The following IGF2R variants were observed in gnomAD, a reference collection of about 807,000 sequenced individuals.
IGF2R encodes cation-independent mannose-6-phosphate receptor.
Under a neutral mutation model 270.6 loss-of-function variants are expected in IGF2R, and 91 were observed. That is an observed-to-expected ratio of 0.34 (90% confidence interval 0.28 to 0.40). The LOEUF (loss-of-function observed/expected upper bound fraction) is 0.40, where lower values mean the gene tolerates loss of function less well. IGF2R is among the 10% of genes least tolerant of loss of function. The pLI is 1.00. For missense variants in IGF2R, 2,805 were observed against 3,188.3 expected, an observed-to-expected ratio of 0.88 and a Z score of 2.90; for synonymous variants, 1,316 against 1,258.9, an observed-to-expected ratio of 1.05 and a Z score of -0.96.
Position 160,110,180 on chromosome 6 carries a change from G to A in IGF2R, c.*5096G>A, listed in dbSNP as rs1052033861. The A allele has an allele frequency of 6.6e-6, 1 of 152,190 alleles. No homozygotes were observed. Among genetic ancestry groups the A allele is most frequent in the African/African-American group, 2.4e-5 (1 of 41,438 alleles). 9.4% of individuals were successfully genotyped at this position (152,190 alleles called of 1,614,324 possible). ...AGACATTTGCCTGTGTTCCCTGGGG[G>A]AGCTGGTGGCCTGTGACCATCCACT... On this transcript the variant is annotated 3_prime_UTR_variant, in exon 48 of 48. Transcript: ENST00000356956.
chr6:159,980,215 GA>G (rs966480836), intron 1 of IGF2R, among the ~76,000 whole-genome samples: 4 of 87,972 alleles, frequency 4.5e-5, no homozygotes, highest in East Asian at 6.7e-4. Context: ...AAGAAAGAAA[GA>G]AAGAAAGAAA....
intron 44 of IGF2R, among the ~76,000 whole-genome samples, chr6:160,091,541 C>T (rs898863654): frequency 2.6e-5 from 4 of 152,212 alleles, no homozygotes; most frequent in Non-Finnish European, 5.9e-5. Context: ...CTGAATAGAA[C>T]TGGGAAAGTG....
rs752301910 is a variant in IGF2R at position 160,089,913 on chromosome 6, C to T, written c.6468-3C>T. The T allele has an allele frequency of 7.0e-6, 11 of 1,562,346 alleles. No individual in the cohort carries two copies. The East Asian group carries it at 2.4e-4, about 34-fold the overall frequency. ...GTCACTGTGATCTTTTCTGTCTCTTCAGGCTGTTCAGAGCCTCTGGGGACA... is the reference window on the plus strand; with the variant it reads ...GTCACTGTGATCTTTTCTGTCTCTTTAGGCTGTTCAGAGCCTCTGGGGACA... On this transcript the variant is annotated splice_polypyrimidine_tract_variant and splice_region_variant and intron_variant, in intron 43 of 47. Transcript: ENST00000356956.
At chr6:160,029,477 G>C (rs1300292299) in intron 6 of IGF2R, 73 bp from the exon 7 acceptor site, 1 of 905,376 alleles carries the variant, frequency 1.1e-6, no homozygotes, top group Non-Finnish European at 1.8e-6. Context: ...TGTGCTGAAT[G>C]CTCAGGGCAA....
intron 1 of IGF2R, among the ~76,000 whole-genome samples, chr6:159,987,781 A>G (rs892844954): frequency 1.3e-5 from 2 of 152,248 alleles, no homozygotes; most frequent in Non-Finnish European, 2.9e-5. Context: ...AGTGAAGTTT[A>G]GAAACCTGCT....
chr6:159,989,664 T>G lies in IGF2R; in HGVS notation c.150-1520T>G, dbSNP rs572558428. Among the ~76,000 whole-genome samples, 167 of 152,358 alleles carry G rather than the reference T, an allele frequency of 1.1e-3. 2 individuals carry two copies. Among genetic ancestry groups the G allele is most frequent in the African/African-American group, 3.8e-3 (160 of 41,582 alleles). ...CCAGGCTGGCCTGAAACTGCTGGCT[T>G]CAAGTGATCCTCTGGCCTTCGCCTC... On this transcript the variant is annotated intron_variant, in intron 1 of 47. Coordinates refer to ENST00000356956, the MANE Select transcript of IGF2R (RefSeq NM_000876.4).
At chr6:160,054,447 A>C (rs1778266466) in intron 19 of IGF2R, among the ~76,000 whole-genome samples, 1 of 152,230 alleles carries the variant, frequency 6.6e-6, no homozygotes, top group South Asian at 2.1e-4. Context: ...GTCTCTTATC[A>C]GCAGGGAATG....
At chr6:159,972,554 C>T (rs1031046249) in intron 1 of IGF2R, among the ~76,000 whole-genome samples, 4 of 152,314 alleles carry the variant, frequency 2.6e-5, no homozygotes, top group African/African-American at 9.6e-5. Context: ...AAGCCCAGCT[C>T]TCTAGAACCT....
chr6:159,975,775 AT>A (rs1783684314), intron 1 of IGF2R, among the ~76,000 whole-genome samples: 1 of 147,472 alleles, frequency 6.8e-6, no homozygotes, highest in Non-Finnish European at 1.5e-5. Flanking sequence ...TTATATATGT[AT>A]TATATATAAT....
intron 39 of IGF2R, among the ~76,000 whole-genome samples, chr6:160,081,534 G>T (rs1472377420): frequency 6.6e-6 from 1 of 152,196 alleles, no homozygotes; most frequent in Non-Finnish European, 1.5e-5. Context: ...GAGGGTTCAA[G>T]AGCAGAGAAC....
rs779234498 is a variant in IGF2R at position 160,058,985 on chromosome 6, C to A, written c.2978C>A (p.Thr993Asn). Reference sequence around the variant, plus strand: ...TCTGGCTGTGAGGCAGAAACCCAAACTGAAGAGCTCAAGAATTGGAAGCCA... The same window carrying A: ...TCTGGCTGTGAGGCAGAAACCCAAAATGAAGAGCTCAAGAATTGGAAGCCA... Reference protein sequence around the residue: ...PASGCEAETQTEELKNWKPAR... With the variant: ...PASGCEAETQNEELKNWKPAR... Residue 993 changes from threonine (T) to asparagine (N), a missense_variant, in exon 22 of 48, where the codon ACT (threonine) becomes AAT (asparagine). Around this residue, in one of 2 missense-constraint regions of IGF2R, gnomAD observed 1,851 missense variants for 2,207.2 expected, o/e 0.84. Transcript: ENST00000356956. 5.6e-6 allele frequency: 9 copies of A among 1,614,106 alleles called. No individual in the cohort carries two copies. In the African/African-American group the frequency reaches 9.3e-5, roughly 17 times the overall value.
In IGF2R at chr6:160,072,777, A is replaced by T. The variant is rs1234372812; in HGVS notation, c.4583A>T (p.Asp1528Val). 3 of 1,614,058 alleles carry T rather than the reference A, an allele frequency of 1.9e-6. No individual in the cohort carries two copies. Among genetic ancestry groups the T allele is most frequent in the Non-Finnish European group, 2.5e-6 (3 of 1,180,024 alleles). The change falls in exon 33 of 48, where the codon GAT becomes GTT. Residue 1528 changes from aspartate (D) to valine (V), a missense_variant. By Grantham distance (152) the Asp-to-Val change is radical (BLOSUM62 -3). This residue lies in a region of IGF2R where 1,851 missense variants were observed against 2,207.2 expected (regional missense o/e 0.84). Coordinates refer to ENST00000356956, the MANE Select transcript of IGF2R (RefSeq NM_000876.4). Reference sequence around the variant, plus strand: ...TTCCACCCTACAGGACACCTGTTTGATCTGAGCTCCTTAAGTGGCAGGGCG... The same window carrying T: ...TTCCACCCTACAGGACACCTGTTTGTTCTGAGCTCCTTAAGTGGCAGGGCG... ...VTNPSTGHLF[D>V]LSSLSGRAGF... is the part of the protein sequence containing the mutation.
intron 1 of IGF2R, among the ~76,000 whole-genome samples, chr6:159,990,557 C>T (rs1783961335): frequency 6.6e-6 from 1 of 152,152 alleles, no homozygotes; most frequent in South Asian, 2.1e-4. Context: ...TTGAGTATGT[C>T]TTTATTAGCA....
intron 2 of IGF2R, among the ~76,000 whole-genome samples, chr6:160,008,736 G>A (rs1336123173): frequency 6.6e-5 from 10 of 152,138 alleles, no homozygotes; most frequent in Admixed American, 6.5e-4. Flanking sequence ...GTTTTAGCGG[G>A]AGTAGAGGTG....
At chr6:160,083,494 G>A (rs1195102179) in intron 39 of IGF2R, among the ~76,000 whole-genome samples, 5 of 152,190 alleles carry the variant, frequency 3.3e-5, no homozygotes, top group Non-Finnish European at 5.9e-5. Flanking sequence ...GACCCTTTAC[G>A]GGTGTCAGGC....
Position 160,048,428 on chromosome 6 carries a change from C to T in IGF2R, c.2399C>T (p.Ser800Leu). ...LGGNWYAMDN[S>L]GEHVTWRKYY... is the part of the protein sequence containing the mutation. ...GGAAACTGGTATGCCATGGACAACT[C>T]AGGGGAACATGTCACGTGGAGGAAA... is the stretch of plus-strand genomic sequence containing the variant. The change falls in exon 18 of 48, where the codon TCA becomes TTA. Residue 800 changes from serine to leucine, a missense_variant. Physicochemically the swap from Ser to Leu is moderately radical, Grantham distance 145. Around this residue, in one of 2 missense-constraint regions of IGF2R, gnomAD observed 1,851 missense variants for 2,207.2 expected, o/e 0.84. Coordinates refer to ENST00000356956, the MANE Select transcript of IGF2R (RefSeq NM_000876.4). 6.2e-7 allele frequency: 1 copy of T among 1,614,222 alleles called. No individual in the cohort carries two copies. Among genetic ancestry groups the T allele is most frequent in the Non-Finnish European group, 8.5e-7 (1 of 1,180,014 alleles).
At chr6:159,969,741 T>C (rs1160071091) in intron 1 of IGF2R, among the ~76,000 whole-genome samples, 1 of 152,024 alleles carries the variant, frequency 6.6e-6, no homozygotes, top group African/African-American at 2.4e-5. Context: ...TCCGGGAAAG[T>C]TGGAGGCAGG....
At chr6:159,983,153 T>C (rs1783831215) in intron 1 of IGF2R, among the ~76,000 whole-genome samples, 1 of 152,236 alleles carries the variant, frequency 6.6e-6, no homozygotes, top group Non-Finnish European at 1.5e-5. Context: ...TTTTGAACTC[T>C]AGGCAGCTGT....
intron 41 of IGF2R, among the ~76,000 whole-genome samples, chr6:160,087,290 C>T (rs1432365574): frequency 3.3e-5 from 5 of 152,174 alleles, no homozygotes; most frequent in Non-Finnish European, 7.3e-5. Flanking sequence ...CAGGAAAGCA[C>T]CTAATATGAT....
Sources: allele counts gnomAD v4.1 joint callset (sites outside exome capture counted in the v4.1 genomes callset), GRCh38; gene constraint gnomAD v4.1.1; regional missense constraint gnomAD v4.1.1; transcripts MANE v1.5; gene names NCBI Gene and HGNC (gene_info 2026-07-23, HGNC 2026-07-21).